The following ERBB4 variants were observed in gnomAD, a reference collection of about 807,000 sequenced individuals.
ERBB4 encodes the protein receptor tyrosine-protein kinase erbB-4.
ERBB4 carries 42 observed loss-of-function variants against 158.0 expected under a neutral mutation model. The observed-to-expected ratio is 0.27, with a 90% CI of 0.21 to 0.34. ERBB4 has a LOEUF of 0.34. ERBB4 is among the 10% of genes least tolerant of loss of function. The pLI, the probability that ERBB4 is intolerant of heterozygous loss-of-function variation, is 1.00. For synonymous variants in ERBB4, 583 were observed against 558.7 expected, an observed-to-expected ratio of 1.04 and a Z score of -0.61; for missense variants, 1,333 against 1,624.1, an observed-to-expected ratio of 0.82 and a Z score of 3.08.
chr2:211,674,011 CT>C (rs2071956102), intron 13 of ERBB4, among the ~76,000 whole-genome samples: 2 of 151,972 alleles, frequency 1.3e-5, no homozygotes, highest in South Asian at 4.1e-4. Context: ...ATTTTTGTGG[CT>C]ATTTGTATAT....
At chr2:211,632,547 AT>A (rs2070183412) in intron 16 of ERBB4, among the ~76,000 whole-genome samples, 1 of 152,082 alleles carries the variant, frequency 6.6e-6, no homozygotes, top group South Asian at 2.1e-4. Context: ...TGGTATACAT[AT>A]TTATGTAAAT....
chr2:211,634,187 A>G (rs1322451708), intron 16 of ERBB4, among the ~76,000 whole-genome samples: 2 of 152,212 alleles, frequency 1.3e-5, no homozygotes, highest in Admixed American at 1.3e-4. Flanking sequence ...AGAAGAAAAA[A>G]TCATTGTCTA....
At chr2:212,427,577 T>G (rs117891436) in intron 1 of ERBB4, among the ~76,000 whole-genome samples, 2 of 152,260 alleles carry the variant, frequency 1.3e-5, no homozygotes, top group South Asian at 2.1e-4. Context: ...ACAATAAAAA[T>G]TCACTATTAT....
chr2:211,896,160 C>T (rs2079092421), intron 3 of ERBB4, among the ~76,000 whole-genome samples: 1 of 152,198 alleles, frequency 6.6e-6, no homozygotes. Flanking sequence ...AGACCTTTCA[C>T]TGGAACATTA....
At chr2:211,557,909 C>T (rs190414708) in intron 20 of ERBB4, among the ~76,000 whole-genome samples, 23 of 152,198 alleles carry the variant, frequency 1.5e-4, no homozygotes, top group Non-Finnish European at 2.9e-4. Flanking sequence ...AAATGTGGTA[C>T]ATATATACCT....
At chr2:212,285,730 G>C (rs2085936005) in intron 1 of ERBB4, among the ~76,000 whole-genome samples, 1 of 152,082 alleles carries the variant, frequency 6.6e-6, no homozygotes, top group Non-Finnish European at 1.5e-5. Context: ...AAAAAATTGA[G>C]CATCAAAAAT....
intron 1 of ERBB4, among the ~76,000 whole-genome samples, chr2:212,262,100 C>T (rs1423713980): frequency 6.6e-6 from 1 of 151,954 alleles, no homozygotes; most frequent in African/African-American, 2.4e-5. Flanking sequence ...CACTTTTTGG[C>T]TGTGTACTCT....
chr2:212,170,823 A>T (rs766842848), intron 1 of ERBB4, among the ~76,000 whole-genome samples: 7 of 152,140 alleles, frequency 4.6e-5, no homozygotes, highest in Non-Finnish European at 1.0e-4. Context: ...AAACACCTGG[A>T]TGTCCAGGCA....
intron 1 of ERBB4, among the ~76,000 whole-genome samples, chr2:212,183,574 T>C (rs1296485400): frequency 6.6e-6 from 1 of 152,084 alleles, no homozygotes; most frequent in Non-Finnish European, 1.5e-5. Flanking sequence ...TTGAAAGGAA[T>C]GTAATTGTTA....
intron 2 of ERBB4, among the ~76,000 whole-genome samples, chr2:211,966,999 G>C (rs937209714): frequency 6.6e-6 from 1 of 151,926 alleles, no homozygotes; most frequent in African/African-American, 2.4e-5. Context: ...TATATAATGT[G>C]GTAATTATTA....
chr2:211,876,182 C>T (rs1411258342), intron 3 of ERBB4, among the ~76,000 whole-genome samples: 2 of 152,140 alleles, frequency 1.3e-5, no homozygotes, highest in African/African-American at 4.8e-5. Flanking sequence ...AAATTAATAG[C>T]ATCACATTTT....
intron 20 of ERBB4, among the ~76,000 whole-genome samples, chr2:211,479,303 G>C (rs1418407383): frequency 2.0e-5 from 3 of 152,052 alleles, no homozygotes; most frequent in Non-Finnish European, 2.9e-5. Context: ...GCCACTTAAG[G>C]CTTCATGCAA....
chr2:211,481,977 G>T (rs1015516505), intron 20 of ERBB4, among the ~76,000 whole-genome samples: 14 of 152,118 alleles, frequency 9.2e-5, no homozygotes, highest in African/African-American at 3.4e-4. Flanking sequence ...GATTGCTCCA[G>T]CTTACTGTTT....
intron 1 of ERBB4, among the ~76,000 whole-genome samples, chr2:212,438,578 AACAATT>A (rs2092187253): frequency 6.6e-6 from 1 of 152,146 alleles, no homozygotes; most frequent in African/African-American, 2.4e-5. Context: ...ACATACATAA[AACAATT>A]ACAAGTTAAA....
Position 212,184,285 on chromosome 2 carries a change from T to C in ERBB4, c.83-59382A>G, listed in dbSNP as rs565940328. Among the ~76,000 whole-genome samples, 36 of 152,174 alleles carry C rather than the reference T, an allele frequency of 2.4e-4. 1 individual carries two copies. Among genetic ancestry groups the C allele is most frequent in the African/African-American group, 8.2e-4 (34 of 41,544 alleles). On this transcript the variant is annotated intron_variant, in intron 1 of 27. Transcript: ENST00000342788. ...CCCACCAAATCTTAACCTAATCATG[T>C]TCTAAGACCCTGCCGAAAACCCTGT...
intron 2 of ERBB4, among the ~76,000 whole-genome samples, chr2:211,974,788 A>G (rs1354762642): frequency 6.6e-6 from 1 of 152,200 alleles, no homozygotes; most frequent in African/African-American, 2.4e-5. Context: ...AATTTTTCTC[A>G]TCATAGAAAA....
intron 2 of ERBB4, among the ~76,000 whole-genome samples, chr2:212,057,663 C>T (rs779957154): frequency 6.6e-6 from 1 of 152,168 alleles, no homozygotes; most frequent in Admixed American, 6.5e-5. Context: ...AACTGAACAA[C>T]CTGCTCCTGA....
At chr2:211,622,990 A>AATATAT (rs1165877419) in intron 18 of ERBB4, among the ~76,000 whole-genome samples, 32 of 21,868 alleles carry the variant, frequency 1.5e-3, no homozygotes, top group East Asian at 2.3e-3. Flanking sequence ...AAAAAAAAAA[A>AATATAT]ATATATATAT....
intron 20 of ERBB4, among the ~76,000 whole-genome samples, chr2:211,552,011 T>C (rs953962991): frequency 6.6e-6 from 1 of 152,212 alleles, no homozygotes; most frequent in Non-Finnish European, 1.5e-5. Context: ...TTTCCAATCA[T>C]TGTGAACCAC....
Sources: gnomAD v4.1 joint callset for allele counts (sites outside exome capture counted in the v4.1 genomes callset) on GRCh38, gnomAD v4.1.1 for gene constraint, MANE v1.5 for transcripts, NCBI Gene and HGNC (gene_info 2026-07-23, HGNC 2026-07-21) for gene names.